Variants in SCN3A observed in about 807,000 individuals in gnomAD.
SCN3A encodes the protein sodium voltage-gated channel alpha subunit 3.
SCN3A carries 60 observed loss-of-function variants against 187.6 expected under a neutral mutation model. That is an observed-to-expected ratio of 0.32 (90% confidence interval 0.26 to 0.40). The LOEUF (loss-of-function observed/expected upper bound fraction) is 0.40, where lower values mean the gene tolerates loss of function less well. Ranked by LOEUF, SCN3A falls within the 10% of genes least tolerant of loss-of-function variation. SCN3A has a pLI of 1.00. For synonymous variants in SCN3A, 788 were observed against 829.2 expected (o/e 0.95, Z 0.85); for missense variants, 1,601 against 2,428.2 (o/e 0.66, Z 7.16).
chr2:165,146,465 G>T (rs1574217818), intron 12 of SCN3A, among the ~76,000 whole-genome samples: 1 of 114,206 alleles, frequency 8.8e-6, no homozygotes, highest in African/African-American at 3.3e-5. Flanking sequence ...TTGATATATA[G>T]GTTATATCAA....
chr2:165,101,053 G>A (rs1344310518), intron 21 of SCN3A, among the ~76,000 whole-genome samples: 2 of 152,166 alleles, frequency 1.3e-5, no homozygotes, highest in Non-Finnish European at 2.9e-5. Context: ...TCGTCATTCA[G>A]AGAGATGGTA....
intron 20 of SCN3A, among the ~76,000 whole-genome samples, chr2:165,113,506 A>G (rs978563306): frequency 1.3e-5 from 2 of 152,288 alleles, no homozygotes; most frequent in Admixed American, 1.3e-4. Context: ...ATGTTAATAC[A>G]ATTATTAGGG....
intron 11 of SCN3A, among the ~76,000 whole-genome samples, chr2:165,153,963 A>G (rs1688852269): frequency 7.4e-6 from 1 of 134,582 alleles, no homozygotes; most frequent in Non-Finnish European, 1.6e-5. Flanking sequence ...CCTTCCTGAT[A>G]TCCTGATGTG....
At chr2:165,200,251 A>T (rs1692231500) in intron 1 of SCN3A, among the ~76,000 whole-genome samples, 1 of 152,126 alleles carries the variant, frequency 6.6e-6, no homozygotes, top group Non-Finnish European at 1.5e-5. Context: ...AGTTTTGGAA[A>T]ACTGGTAAAA....
chr2:165,152,225 A>C (rs1688726248), intron 11 of SCN3A, among the ~76,000 whole-genome samples: 1 of 152,206 alleles, frequency 6.6e-6, no homozygotes, highest in African/African-American at 2.4e-5. Context: ...CTGACCAAGA[A>C]GTGACACAGA....
chr2:165,195,969 G>A (rs571118448), intron 1 of SCN3A, among the ~76,000 whole-genome samples: 48 of 152,192 alleles, frequency 3.2e-4, no homozygotes, highest in Non-Finnish European at 5.7e-4. Context: ...TTCCTCAAAA[G>A]AATCTAGCTA....
At chr2:165,156,076 C>G (rs111339672) in intron 9 of SCN3A, among the ~76,000 whole-genome samples, 173 bp from the exon 10 acceptor site, 22 of 152,152 alleles carry the variant, frequency 1.4e-4, no homozygotes, top group African/African-American at 4.8e-4. Context: ...AGATGAAATT[C>G]ACTAGGAAGA....
intron 15 of SCN3A, among the ~76,000 whole-genome samples, chr2:165,136,486 G>A (rs1003437507): frequency 1.3e-5 from 2 of 152,088 alleles, no homozygotes; most frequent in African/African-American, 4.8e-5. Context: ...CAACAACTCT[G>A]CACGAAGGGT....
chr2:165,101,004 T>G (rs2105662832), intron 21 of SCN3A, among the ~76,000 whole-genome samples: 1 of 152,294 alleles, frequency 6.6e-6, no homozygotes, highest in Non-Finnish European at 1.5e-5. Flanking sequence ...GGGAAAATTT[T>G]TATCCAAACT....
At position 165,137,870 on chromosome 2, in the gene SCN3A, T is replaced by A. The variant is rs767997812; in HGVS notation, c.2391+9A>T. The A allele has an allele frequency of 6.3e-7, 1 of 1,583,304 alleles. No individual in the cohort carries two copies. The highest frequency in any genetic ancestry group is 8.7e-7 in the Non-Finnish European group (1 of 1,152,266). On this transcript the variant is annotated intron_variant, in intron 15 of 27. Coordinates refer to ENST00000283254, the MANE Select transcript of SCN3A (RefSeq NM_006922.4). ...CCAAAGTAAATAAGTAAACTTCAAA[T>A]GTACTTACCAGGTTTCCTACAGTCA...
intron 11 of SCN3A, among the ~76,000 whole-genome samples, chr2:165,150,857 A>G (rs1247139187): frequency 6.6e-6 from 1 of 152,182 alleles, no homozygotes; most frequent in African/African-American, 2.4e-5. Context: ...ATCATATGCA[A>G]TTTATGAACA....
rs371356521 is a variant in SCN3A, at chr2:165,092,349, C to G, written c.4712G>C (p.Gly1571Ala). ...GGAGACGAGCTTCAGCACAAATTCT[C>G]CAGTGAACAGAACAATGAACACTAG... Reference protein sequence around the residue: ...INLVFIVLFTGEFVLKLVSLR... With the variant: ...INLVFIVLFTAEFVLKLVSLR... Residue 1571 changes from glycine (G) to alanine (A), a missense_variant, in exon 27 of 28, where the codon GGA (glycine) becomes GCA (alanine). By Grantham distance (60) the Gly-to-Ala change is moderately conservative. Around this residue, in one of 11 missense-constraint regions of SCN3A, gnomAD observed 320 missense variants for 623.2 expected, o/e 0.51. Transcript: ENST00000283254. The surrounding 1 kb of genome is among the most constrained non-coding windows in gnomAD (Gnocchi z 4.2). 1.9e-6 allele frequency: 3 copies of G among 1,613,944 alleles called. No individual in the cohort carries two copies. Among genetic ancestry groups the G allele is most frequent in the Non-Finnish European group, 2.5e-6 (3 of 1,179,940 alleles).
intron 17 of SCN3A, among the ~76,000 whole-genome samples, 176 bp downstream of exon 17, chr2:165,129,764 T>C (rs1231901749): frequency 6.6e-6 from 1 of 152,178 alleles, no homozygotes; most frequent in Non-Finnish European, 1.5e-5. Context: ...TCATAAAAAA[T>C]GGGAAACCAG....
At chr2:165,165,990 T>C (rs1426877558) in intron 5 of SCN3A, among the ~76,000 whole-genome samples, 1 of 152,216 alleles carries the variant, frequency 6.6e-6, no homozygotes, top group Non-Finnish European at 1.5e-5. Flanking sequence ...GTAGTTTGGA[T>C]CGTTGTGTGA....
intron 19 of SCN3A, 118 bp downstream of exon 19, chr2:165,115,337 G>C: frequency 7.5e-7 from 1 of 1,336,354 alleles, no homozygotes; most frequent in African/African-American, 1.5e-5. Flanking sequence ...AAAATTTTGG[G>C]GTTACAGGCA....
At chr2:165,137,794 T>C in intron 15 of SCN3A, 85 bp downstream of exon 15, 1 of 1,066,816 alleles carries the variant, frequency 9.4e-7, no homozygotes, top group South Asian at 1.3e-5. Flanking sequence ...ATTTTTGGGT[T>C]CAACACAGCA....
chr2:165,181,064 GA>G (rs1377099011), intron 2 of SCN3A, among the ~76,000 whole-genome samples: 9 of 151,854 alleles, frequency 5.9e-5, no homozygotes, highest in African/African-American at 1.5e-4. Flanking sequence ...ATTCAAAACA[GA>G]AAAAAATTTA....
intron 18 of SCN3A, among the ~76,000 whole-genome samples, chr2:165,117,668 T>A (rs1686439024): frequency 6.6e-6 from 1 of 152,150 alleles, no homozygotes; most frequent in Admixed American, 6.5e-5. Flanking sequence ...TTATAGTCTT[T>A]AGATAATTCT....
intron 18 of SCN3A, among the ~76,000 whole-genome samples, chr2:165,118,782 AGACG>A (rs1256595675): frequency 6.7e-6 from 1 of 149,386 alleles, no homozygotes; most frequent in East Asian, 2.0e-4. Flanking sequence ...TATTTTTTTG[AGACG>A]GAGTCTCGCT....
Sources: gnomAD v4.1 joint callset for allele counts (sites outside exome capture counted in the v4.1 genomes callset) on GRCh38, gnomAD v4.1.1 for gene constraint, gnomAD v4.1.1 regional missense constraint, Gnocchi (gnomAD v3.1) non-coding constraint, MANE v1.5 for transcripts, NCBI Gene and HGNC (gene_info 2026-07-23, HGNC 2026-07-21) for gene names.